LYPLAL1: variants seen among roughly 807,000 people sequenced by gnomAD.
LYPLAL1 encodes lysophospholipase like 1, also known as lysophospholipase-like protein 1.
Under a neutral mutation model 19.7 loss-of-function variants are expected in LYPLAL1, and 23 were observed. The ratio of observed to expected loss-of-function variants is 1.17; its 90% CI spans 0.84 to 1.65. The LOEUF is 1.65. Among genes scored for constraint, LYPLAL1 ranks in the 40% most tolerant of loss-of-function variants. The pLI is 0.00. For missense variants in LYPLAL1, 355 were observed against 279.4 expected (o/e 1.27, Z -1.93); for synonymous variants, 119 against 96.3 (o/e 1.24, Z -1.38).
At chr1:219,327,577 C>A in the LYPLAL1 span, among the ~76,000 whole-genome samples, 3 of 151,634 alleles carry the variant, frequency 2.0e-5, no homozygotes, top group African/African-American at 7.3e-5. Context: ...GACAAATGGA[C>A]CAAACAAAGA....
At chr1:219,300,705 T>G in the LYPLAL1 span, among the ~76,000 whole-genome samples, 31 of 151,956 alleles carry the variant, frequency 2.0e-4, no homozygotes, top group Admixed American at 6.5e-4. Context: ...TGGCTAATTT[T>G]TTTGTATTTT....
At chr1:219,427,457 C>A in the LYPLAL1 span, among the ~76,000 whole-genome samples, 3 of 152,190 alleles carry the variant, frequency 2.0e-5, no homozygotes, top group African/African-American at 7.2e-5. Flanking sequence ...CCTGTGTGTG[C>A]AAATTGAACA....
the LYPLAL1 span, among the ~76,000 whole-genome samples, chr1:219,282,470 C>T: frequency 6.9e-6 from 1 of 145,060 alleles, no homozygotes; most frequent in Non-Finnish European, 1.5e-5. Context: ...TGTGTCTTCC[C>T]ATTGAAAGGA....
the LYPLAL1 span, among the ~76,000 whole-genome samples, chr1:219,253,629 G>A: frequency 6.6e-6 from 1 of 151,978 alleles, no homozygotes; most frequent in East Asian, 1.9e-4. Flanking sequence ...TTACTGAGCT[G>A]TGGTCCAAGA....
chr1:219,319,715 C>T, the LYPLAL1 span, among the ~76,000 whole-genome samples: 1 of 152,138 alleles, frequency 6.6e-6, no homozygotes. Context: ...CAGGACTGTT[C>T]AACTCTTTGT....
chr1:219,323,422 A>C, the LYPLAL1 span, among the ~76,000 whole-genome samples: 2 of 152,298 alleles, frequency 1.3e-5, no homozygotes, highest in African/African-American at 4.8e-5. Flanking sequence ...TTAGGGAGGA[A>C]GGGGCTGAGC....
chr1:219,345,029 C>G, the LYPLAL1 span, among the ~76,000 whole-genome samples: 100 of 152,252 alleles, frequency 6.6e-4, 1 homozygote, highest in Non-Finnish European at 1.2e-3. Flanking sequence ...AGTATTTTTC[C>G]TAATCATAAT....
the LYPLAL1 span, among the ~76,000 whole-genome samples, chr1:219,428,618 A>C: frequency 6.6e-6 from 1 of 152,210 alleles, no homozygotes; most frequent in Non-Finnish European, 1.5e-5. Context: ...AATAACTACA[A>C]TATGTGGCAC....
chr1:219,398,954 G>A, the LYPLAL1 span, among the ~76,000 whole-genome samples: 2 of 152,206 alleles, frequency 1.3e-5, no homozygotes, highest in African/African-American at 2.4e-5. Context: ...CAGACTGCTA[G>A]TCACTACACT....
chr1:219,317,419 T>C, the LYPLAL1 span, among the ~76,000 whole-genome samples: 2 of 152,146 alleles, frequency 1.3e-5, no homozygotes, highest in Admixed American at 6.5e-5. Context: ...TTTTTCTCTT[T>C]CTCTTCTGAG....
the LYPLAL1 span, among the ~76,000 whole-genome samples, chr1:219,331,035 T>A: frequency 2.0e-5 from 3 of 152,200 alleles, no homozygotes; most frequent in Non-Finnish European, 2.9e-5. Context: ...CATGTAAAGG[T>A]ATGATTCAAC....
At chr1:219,296,846 T>C in the LYPLAL1 span, among the ~76,000 whole-genome samples, 1 of 152,168 alleles carries the variant, frequency 6.6e-6, no homozygotes, top group Non-Finnish European at 1.5e-5. Context: ...AGTTTATAAC[T>C]ATTTTTTTAC....
At chr1:219,229,065 G>C in the LYPLAL1 span, among the ~76,000 whole-genome samples, 2 of 152,110 alleles carry the variant, frequency 1.3e-5, no homozygotes, top group East Asian at 3.9e-4. Context: ...TTTTATATAT[G>C]AGTAAACTGA....
the LYPLAL1 span, among the ~76,000 whole-genome samples, chr1:219,221,907 T>C: frequency 1.3e-5 from 2 of 151,946 alleles, no homozygotes; most frequent in Non-Finnish European, 2.9e-5. Flanking sequence ...GTTAAAACAA[T>C]AGAGGGCTCA....
At chr1:219,290,341 TTCTG>T in the LYPLAL1 span, among the ~76,000 whole-genome samples, 2 of 152,170 alleles carry the variant, frequency 1.3e-5, no homozygotes, top group East Asian at 1.9e-4. Context: ...GGCTGAGACT[TTCTG>T]GGCTGCATTC....
At chr1:219,364,751 A>C in the LYPLAL1 span, among the ~76,000 whole-genome samples, 1 of 152,194 alleles carries the variant, frequency 6.6e-6, no homozygotes, top group Non-Finnish European at 1.5e-5. Context: ...TTTATTAATA[A>C]GTGAATTTGT....
intron 4 of LYPLAL1, 103 bp from the exon 5 acceptor site, chr1:219,211,389 T>C (rs1194510520): frequency 3.7e-6 from 3 of 808,466 alleles, no homozygotes; most frequent in East Asian, 2.5e-5. Context: ...CATTAGTTAT[T>C]GAAGCCTTGG....
chr1:219,265,249 A>G, the LYPLAL1 span, among the ~76,000 whole-genome samples: 1 of 152,186 alleles, frequency 6.6e-6, no homozygotes, highest in African/African-American at 2.4e-5. Flanking sequence ...ATGTTATTAT[A>G]TCTGGCAAGC....
At chr1:219,201,352 A>AT (rs749105675) in intron 3 of LYPLAL1, among the ~76,000 whole-genome samples, 16 of 151,440 alleles carry the variant, frequency 1.1e-4, no homozygotes, top group Non-Finnish European at 1.9e-4. Flanking sequence ...TATTTGACTC[A>AT]TCTGGAGTTT....
Sources: allele counts gnomAD v4.1 joint callset (sites outside exome capture counted in the v4.1 genomes callset), GRCh38; gene constraint gnomAD v4.1.1; transcripts MANE v1.5; gene names NCBI Gene and HGNC (gene_info 2026-07-23, HGNC 2026-07-21).